The following FRMD5 variants were observed in gnomAD, a reference collection of about 807,000 sequenced individuals.
The protein encoded by FRMD5 is FERM domain-containing protein 5.
Under a neutral mutation model 69.0 loss-of-function variants are expected in FRMD5, and 20 were observed. That is an observed-to-expected ratio of 0.29 (90% CI 0.20 to 0.42). The LOEUF is 0.42. Among genes scored for constraint, FRMD5 ranks in the 10% least tolerant of loss-of-function variants. The probability of loss-of-function intolerance (pLI) is 1.00; values close to 1 mark genes in which losing one functional copy is unlikely to be tolerated. For missense variants in FRMD5, 595 were observed against 708.6 expected (o/e 0.84, Z 1.82); for synonymous variants, 271 against 260.1 (o/e 1.04, Z -0.40).
chr15:43,873,605 CA>C lies in FRMD5; in HGVS notation c.*279del. The C allele has an allele frequency of 6.9e-7, 1 of 1,448,432 alleles. No individual in the cohort carries two copies. The highest frequency in any genetic ancestry group is 9.0e-7 in the Non-Finnish European group (1 of 1,108,950). The allele number at this position is 1,448,432 out of a possible 1,614,324, so 89.7% of individuals were successfully genotyped here. A position where few individuals can be genotyped will look rare whatever the true frequency, so the allele number is the denominator to read the frequency against. On this transcript the variant is annotated 3_prime_UTR_variant, in exon 14 of 14. Transcript: ENST00000417257. ...TCTATGAAAAATCAAAATTCAAAACCAAAAATTATCCTGCAAATTGGAAAGA... is the reference window on the plus strand; with the variant it reads ...TCTATGAAAAATCAAAATTCAAAACCAAAATTATCCTGCAAATTGGAAAGA...
At chr15:44,111,414 C>G (rs1566951389) in intron 1 of FRMD5, among the ~76,000 whole-genome samples, 1 of 152,214 alleles carries the variant, frequency 6.6e-6, no homozygotes, top group African/African-American at 2.4e-5. Context: ...GGGTGATAAA[C>G]TGCTCCTGCA....
chr15:44,117,527 G>T (rs2076886425), intron 1 of FRMD5, among the ~76,000 whole-genome samples: 1 of 152,214 alleles, frequency 6.6e-6, no homozygotes, highest in Non-Finnish European at 1.5e-5. Context: ...GTGCTACAAT[G>T]AAAGAATTGG....
At chr15:44,001,845 T>A (rs1890228215) in intron 1 of FRMD5, among the ~76,000 whole-genome samples, 1 of 152,136 alleles carries the variant, frequency 6.6e-6, no homozygotes, top group South Asian at 2.1e-4. Context: ...GGGATCCTCC[T>A]GCCTCAGCCT....
At position 43,878,335 on chromosome 15, in the gene FRMD5, G is replaced by A. The variant is rs79274973; in HGVS notation, c.1136-3873C>T. 6.6e-3 allele frequency among the ~76,000 whole-genome samples: 1,000 copies of A among 152,284 alleles called. 17 individuals carry two copies. The highest frequency in any genetic ancestry group is 0.04 in the East Asian group (207 of 5,182). ...AAAGACCCTGTCAACGCTGTTAAGT[G>A]ATGACTTAACTGTAGTCGGATTCCA... On this transcript the variant is annotated intron_variant, in intron 13 of 13. Coordinates refer to ENST00000417257, the MANE Select transcript of FRMD5 (RefSeq NM_032892.5).
At chr15:44,040,992 CAAAAAAAAAAAAAAAAAAAAA>C (rs71421819) in intron 1 of FRMD5, among the ~76,000 whole-genome samples, 20 of 17,498 alleles carry the variant, frequency 1.1e-3, no homozygotes, top group African/African-American at 2.8e-3. Flanking sequence ...AAATGGAAAG[CAAAAAAAAAAAAAAAAAAAAA>C]AAAAAAAAAA....
chr15:44,108,188 C>T (rs1466949331), intron 1 of FRMD5, among the ~76,000 whole-genome samples: 1 of 152,064 alleles, frequency 6.6e-6, no homozygotes, highest in Non-Finnish European at 1.5e-5. Flanking sequence ...ACTGAAAATA[C>T]TTACTGTCTG....
intron 1 of FRMD5, among the ~76,000 whole-genome samples, chr15:43,973,191 T>A (rs1434421743): frequency 6.6e-6 from 1 of 151,600 alleles, no homozygotes; most frequent in African/African-American, 2.4e-5. Context: ...CCTGGCTAAT[T>A]TTTTGTATTT....
At chr15:43,922,223 G>A (rs1243674548) in intron 2 of FRMD5, among the ~76,000 whole-genome samples, 2 of 152,218 alleles carry the variant, frequency 1.3e-5, no homozygotes, top group African/African-American at 4.8e-5. Flanking sequence ...GTCTGAGCTC[G>A]AGGCTGGCTT....
At chr15:44,148,473 G>T (rs540319453) in intron 1 of FRMD5, among the ~76,000 whole-genome samples, 1 of 152,066 alleles carries the variant, frequency 6.6e-6, no homozygotes, top group Non-Finnish European at 1.5e-5. Flanking sequence ...GGGTTTCACC[G>T]TGTTAGCCAG....
chr15:43,993,527 T>C (rs1170797944), intron 1 of FRMD5, among the ~76,000 whole-genome samples: 1 of 152,224 alleles, frequency 6.6e-6, no homozygotes, highest in East Asian at 1.9e-4. Context: ...ATGTTCCATG[T>C]GTGCTAGAGA....
At chr15:44,119,025 T>G (rs997197893) in intron 1 of FRMD5, among the ~76,000 whole-genome samples, 1 of 151,982 alleles carries the variant, frequency 6.6e-6, no homozygotes, top group Admixed American at 6.6e-5. Context: ...TGCAATGGCG[T>G]GATCACAGCT....
rs2088158756 is a variant in FRMD5, at chr15:43,871,452, G to T, written c.*2433C>A. On this transcript the variant is annotated 3_prime_UTR_variant, in exon 14 of 14. Coordinates refer to ENST00000417257, the MANE Select transcript of FRMD5 (RefSeq NM_032892.5). ...GAAACACCAGATTCTACAAACTGAG[G>T]TAGGAGCACTACACTAAAAGGTAAT... The T allele has an allele frequency of 6.6e-6, 1 of 152,210 alleles. No individual in the cohort carries two copies. The highest frequency in any genetic ancestry group is 2.4e-5 in the African/African-American group (1 of 41,466). The allele number at this position is 152,210 out of a possible 1,614,324, so 9.4% of individuals were successfully genotyped here.
At chr15:44,040,324 G>A (rs1228844050) in intron 1 of FRMD5, among the ~76,000 whole-genome samples, 1 of 152,048 alleles carries the variant, frequency 6.6e-6, no homozygotes, top group African/African-American at 2.4e-5. Flanking sequence ...CCACCACAAA[G>A]ATACTCCTCG....
intron 1 of FRMD5, among the ~76,000 whole-genome samples, chr15:44,057,902 A>G (rs754563900): frequency 4.6e-5 from 7 of 152,200 alleles, no homozygotes; most frequent in African/African-American, 9.7e-5. Flanking sequence ...AAAGCCTCAA[A>G]TAACCCATTA....
At chr15:44,057,453 T>A (rs574648139) in intron 1 of FRMD5, among the ~76,000 whole-genome samples, 4 of 152,344 alleles carry the variant, frequency 2.6e-5, no homozygotes, top group African/African-American at 9.6e-5. Flanking sequence ...TGGTCAAGCA[T>A]ATGTACTTGC....
intron 1 of FRMD5, among the ~76,000 whole-genome samples, chr15:44,174,913 G>A (rs1196946343): frequency 1.3e-5 from 2 of 152,128 alleles, no homozygotes; most frequent in Non-Finnish European, 2.9e-5. Flanking sequence ...GGGGGGTTGG[G>A]AGGAAGGAGA....
intron 5 of FRMD5, among the ~76,000 whole-genome samples, chr15:43,906,310 C>G (rs2089170646): frequency 6.6e-6 from 1 of 152,182 alleles, no homozygotes; most frequent in Non-Finnish European, 1.5e-5. Flanking sequence ...GTCTTTGTGG[C>G]AGCACAGGAA....
intron 1 of FRMD5, among the ~76,000 whole-genome samples, chr15:43,944,440 G>T (rs11070416): frequency 0.1 from 15,553 of 152,254 alleles, 1,182 homozygotes; most frequent in African/African-American, 0.2. Context: ...TTGTTTTTGA[G>T]ACGGAGTTTT....
chr15:44,168,673 C>T (rs889400191), intron 1 of FRMD5, among the ~76,000 whole-genome samples: 5 of 152,254 alleles, frequency 3.3e-5, no homozygotes, highest in Middle Eastern at 3.4e-3. Context: ...TGTATGTTAG[C>T]GTTAAAACTG....
Sources: allele counts gnomAD v4.1 joint callset (sites outside exome capture counted in the v4.1 genomes callset), GRCh38; gene constraint gnomAD v4.1.1; transcripts MANE v1.5; gene names NCBI Gene and HGNC (gene_info 2026-07-23, HGNC 2026-07-21).